The following OR9Q1 variants were observed in gnomAD, a reference collection of about 807,000 sequenced individuals.
OR9Q1 encodes the protein olfactory receptor family 9 subfamily Q member 1.
For missense variants in OR9Q1, 374 were observed against 378.8 expected (o/e 0.99, Z 0.11); for synonymous variants, 153 against 148.6 (o/e 1.03, Z -0.22).
At chr11:58,091,863 C>G (rs1057039604) in intron 2 of OR9Q1, among the ~76,000 whole-genome samples, 2 of 151,986 alleles carry the variant, frequency 1.3e-5, no homozygotes, top group African/African-American at 4.8e-5. Flanking sequence ...AGTTGCTCTT[C>G]TTGTTGCATT....
intron 2 of OR9Q1, among the ~76,000 whole-genome samples, chr11:58,111,112 T>C (rs1853895253): frequency 6.6e-6 from 1 of 152,172 alleles, no homozygotes; most frequent in Admixed American, 6.5e-5. Context: ...AAATTCCTAA[T>C]AATTAACAAC....
intron 2 of OR9Q1, chr11:58,125,601 G>T (rs1854083448): frequency 6.6e-6 from 1 of 152,082 alleles, no homozygotes; most frequent in Non-Finnish European, 1.5e-5. Context: ...AATTGCCTTT[G>T]GGGATAGTTT....
rs139015468 is a variant in OR9Q1 at position 58,179,449 on chromosome 11, C to T, written c.5C>T (p.Ala2Val). 2.0e-4 allele frequency: 306 copies of T among 1,556,628 alleles called. 2 individuals are homozygous for T. In the African/African-American group the frequency reaches 3.8e-3, roughly 20 times the overall value. ...GTCTCAGGGACCACTGGTGTCATGG[C>T]AGAGATGAACCTCACCTTGGTGACC... M[A>V]EMNLTLVTEF... The change falls in exon 3 of 3, where the codon GCA (alanine) becomes GTA (valine). Residue 2 changes from alanine to valine, a missense_variant. Physicochemically the swap from Ala to Val is moderately conservative, Grantham distance 64. Transcript: ENST00000335397.
At chr11:58,116,403 A>G (rs1253088550) in intron 2 of OR9Q1, among the ~76,000 whole-genome samples, 2 of 152,184 alleles carry the variant, frequency 1.3e-5, no homozygotes, top group African/African-American at 2.4e-5. Flanking sequence ...CACTGGTTAT[A>G]TATTTTTTAT....
chr11:58,085,787 T>G lies in OR9Q1; in HGVS notation c.-15+29840T>G, dbSNP rs1386557959. Among the ~76,000 whole-genome samples the G allele has an allele frequency of 2.6e-5, 4 of 151,980 alleles. No homozygotes were observed. The East Asian group carries it at 7.7e-4, about 29-fold the overall frequency. On this transcript the variant is annotated intron_variant, in intron 2 of 2. Coordinates refer to ENST00000335397, the MANE Select transcript of OR9Q1 (RefSeq NM_001005212.4). ...AATATTTTTAAAAATGTCATTGACATTGGGATGACATCAGTAAGATGGAAG... is the reference window on the plus strand; with the variant it reads ...AATATTTTTAAAAATGTCATTGACAGTGGGATGACATCAGTAAGATGGAAG...
At chr11:58,115,834 C>T (rs1245888710) in intron 2 of OR9Q1, among the ~76,000 whole-genome samples, 4 of 152,120 alleles carry the variant, frequency 2.6e-5, no homozygotes, top group Non-Finnish European at 5.9e-5. Flanking sequence ...CAGGCAATTG[C>T]TATCAGACAA....
chr11:58,150,475 G>T (rs1056549976), intron 2 of OR9Q1, among the ~76,000 whole-genome samples: 2 of 152,152 alleles, frequency 1.3e-5, no homozygotes, highest in Non-Finnish European at 2.9e-5. Flanking sequence ...TTGTTGAGTT[G>T]CATGAGTTCT....
At chr11:58,057,404 AG>A (rs532939517) in intron 2 of OR9Q1, among the ~76,000 whole-genome samples, 2 of 152,178 alleles carry the variant, frequency 1.3e-5, no homozygotes, top group South Asian at 4.2e-4. Flanking sequence ...CTGAAAACCT[AG>A]TGTTCTTCTC....
chr11:58,110,767 G>C (rs1266051658), intron 2 of OR9Q1, among the ~76,000 whole-genome samples: 1 of 152,112 alleles, frequency 6.6e-6, no homozygotes, highest in East Asian at 1.9e-4. Flanking sequence ...ATAGTGTTTG[G>C]TAAAATCAGT....
chr11:58,176,402 C>T (rs904599848), intron 2 of OR9Q1, among the ~76,000 whole-genome samples: 2 of 152,162 alleles, frequency 1.3e-5, no homozygotes, highest in Non-Finnish European at 2.9e-5. Context: ...CAATAATTGC[C>T]TTTCCTTAGA....
chr11:58,168,476 C>A (rs1854525577), intron 2 of OR9Q1, among the ~76,000 whole-genome samples: 1 of 152,104 alleles, frequency 6.6e-6, no homozygotes, highest in Non-Finnish European at 1.5e-5. Flanking sequence ...AGCTTCAGGT[C>A]ATATTTAATT....
intron 2 of OR9Q1, among the ~76,000 whole-genome samples, chr11:58,129,529 C>T (rs1437538973): frequency 6.8e-6 from 1 of 147,266 alleles, no homozygotes; most frequent in Non-Finnish European, 1.5e-5. Context: ...TGATCTACCC[C>T]CAACCTCCCT....
chr11:58,127,343 C>T (rs1206716377), intron 2 of OR9Q1, among the ~76,000 whole-genome samples: 1 of 152,120 alleles, frequency 6.6e-6, no homozygotes, highest in African/African-American at 2.4e-5. Context: ...TGGGCAAGTG[C>T]CTCACTGAGG....
intron 2 of OR9Q1, among the ~76,000 whole-genome samples, chr11:58,143,347 C>T (rs769775175): frequency 6.6e-6 from 1 of 152,176 alleles, no homozygotes; most frequent in Non-Finnish European, 1.5e-5. Context: ...TTCAAACCTA[C>T]ACCTTATTTC....
At chr11:58,155,499 C>T (rs114503196) in intron 2 of OR9Q1, among the ~76,000 whole-genome samples, 1 of 152,144 alleles carries the variant, frequency 6.6e-6, no homozygotes, top group African/African-American at 2.4e-5. Context: ...AGGGTCAGTG[C>T]CTGAGAGTGA....
intron 1 of OR9Q1, chr11:58,031,794 T>C: frequency 1.2e-6 from 2 of 1,614,096 alleles, no homozygotes; most frequent in Non-Finnish European, 1.7e-6. Context: ...GTATCTGTCT[T>C]CTACTCTGTT....
intron 2 of OR9Q1, among the ~76,000 whole-genome samples, chr11:58,106,838 G>C (rs563976408): frequency 5.9e-5 from 9 of 152,160 alleles, no homozygotes; most frequent in South Asian, 4.2e-4. Flanking sequence ...TGCCTATTCT[G>C]TTCCATTGAT....
chr11:58,157,169 C>T (rs1565092761), intron 2 of OR9Q1, among the ~76,000 whole-genome samples: 2 of 152,116 alleles, frequency 1.3e-5, no homozygotes, highest in Non-Finnish European at 2.9e-5. Context: ...ATTCAAATAC[C>T]TGAGTATGGC....
intron 2 of OR9Q1, among the ~76,000 whole-genome samples, chr11:58,057,290 G>A (rs1590562421): frequency 6.6e-6 from 1 of 151,962 alleles, no homozygotes; most frequent in African/African-American, 2.4e-5. Flanking sequence ...CCCAGCCCAA[G>A]GTCTTTTTGA....
Sources: gnomAD v4.1 joint callset for allele counts (sites outside exome capture counted in the v4.1 genomes callset) on GRCh38, gnomAD v4.1.1 for gene constraint, MANE v1.5 for transcripts, NCBI Gene and HGNC (gene_info 2026-07-23, HGNC 2026-07-21) for gene names.